Variants in VMP1 observed in about 807,000 individuals in gnomAD.
VMP1 encodes vacuole membrane protein 1.
A neutral mutation model predicts 56.0 loss-of-function variants in VMP1; 11 were observed. That is an observed-to-expected ratio of 0.20 (90% CI 0.12 to 0.32). The LOEUF (loss-of-function observed/expected upper bound fraction) is 0.32. Among genes scored for constraint, VMP1 ranks in the 10% least tolerant of loss-of-function variants. The probability of loss-of-function intolerance (pLI) is 1.00; values close to 1 mark genes in which losing one functional copy is unlikely to be tolerated. For synonymous variants in VMP1, 149 were observed against 165.0 expected (o/e 0.90, Z 0.74); for missense variants, 296 against 490.3 (o/e 0.60, Z 3.74).
intron 7 of VMP1, among the ~76,000 whole-genome samples, chr17:59,808,362 G>A (rs749582254): frequency 6.6e-5 from 10 of 152,188 alleles, no homozygotes; most frequent in Admixed American, 1.3e-4. Flanking sequence ...GATAATGAAT[G>A]CTTACTTATT....
chr17:59,819,916 A>G (rs2144267871), intron 10 of VMP1, among the ~76,000 whole-genome samples: 1 of 152,308 alleles, frequency 6.6e-6, no homozygotes, highest in South Asian at 2.1e-4. Context: ...CATCCTCACC[A>G]TGAGTACCTT....
intron 6 of VMP1, 68 bp from the exon 7 acceptor site, chr17:59,773,686 G>T (rs2036519165): frequency 6.9e-7 from 1 of 1,446,912 alleles, no homozygotes; most frequent in Admixed American, 2.3e-5. Context: ...GAAGAGTATG[G>T]GTTTGATCTA....
At chr17:59,756,054 A>G (rs2035830351) in intron 5 of VMP1, among the ~76,000 whole-genome samples, 2 of 152,164 alleles carry the variant, frequency 1.3e-5, no homozygotes, top group African/African-American at 4.8e-5. Context: ...CATTTTGTAG[A>G]GACCAGAGGC....
chr17:59,816,959 GAAA>G (rs931453513), intron 9 of VMP1, among the ~76,000 whole-genome samples: 1 of 104,470 alleles, frequency 9.6e-6, no homozygotes, highest in Non-Finnish European at 2.0e-5. Context: ...AAAAAAAAAA[GAAA>G]AAAGAAAGAA....
intron 10 of VMP1, among the ~76,000 whole-genome samples, chr17:59,821,090 C>G (rs1024064461): frequency 5.1e-4 from 78 of 151,654 alleles, no homozygotes; most frequent in African/African-American, 1.6e-3. Context: ...CCTGCCTCAG[C>G]CCCCCGAGTA....
intron 10 of VMP1, among the ~76,000 whole-genome samples, chr17:59,821,089 G>GC (rs1248390764): frequency 6.6e-6 from 1 of 150,976 alleles, no homozygotes; most frequent in African/African-American, 2.4e-5. Flanking sequence ...TCCTGCCTCA[G>GC]CCCCCCGAGT....
intron 6 of VMP1, among the ~76,000 whole-genome samples, chr17:59,773,304 T>TGGG (rs141796822): frequency 1.4e-5 from 2 of 147,258 alleles, no homozygotes; most frequent in African/African-American, 5.0e-5. Flanking sequence ...TCAGAAGCGG[T>TGGG]GGGGGGGGGC....
At chr17:59,835,139 T>G (rs535192016) in intron 10 of VMP1, among the ~76,000 whole-genome samples, 2 of 152,150 alleles carry the variant, frequency 1.3e-5, no homozygotes, top group African/African-American at 4.8e-5. Flanking sequence ...TTGTTTGTTT[T>G]TTTTTTTGAG....
intron 7 of VMP1, among the ~76,000 whole-genome samples, chr17:59,802,810 G>A (rs904279576): frequency 1.3e-5 from 2 of 152,186 alleles, no homozygotes; most frequent in African/African-American, 2.4e-5. Flanking sequence ...GCAATGGCAC[G>A]ATCTCGGCTC....
In VMP1 at chr17:59,808,816, A is replaced by T; in HGVS notation, c.735A>T (p.Lys245Asn). 4.3e-6 allele frequency: 7 copies of T among 1,614,036 alleles called. No homozygotes were observed. Among genetic ancestry groups the T allele is most frequent in the Non-Finnish European group, 5.9e-6 (7 of 1,179,976 alleles). ...ESAQDFASRA[K>N]LAVQKLVQKV... ...TACAGGACTTTGCCTCCCGGGCCAA[A>T]CTGGCAGTTCAAAAACTAGTACAGA... Residue 245 changes from lysine to asparagine, a missense_variant, in exon 8 of 12, where the codon AAA (lysine) becomes AAT (asparagine). By Grantham distance (94) the Lys-to-Asn change is moderately conservative. Around this residue, in one of 4 missense-constraint regions of VMP1, gnomAD observed 126 missense variants for 231.6 expected, o/e 0.54. Coordinates refer to ENST00000262291, the MANE Select transcript of VMP1 (RefSeq NM_030938.5).
chr17:59,784,134 T>TGAGA (rs1163780957), intron 7 of VMP1, among the ~76,000 whole-genome samples: 3 of 140,598 alleles, frequency 2.1e-5, no homozygotes, highest in Admixed American at 7.0e-5. Flanking sequence ...TGTGTGTGTG[T>TGAGA]GTGTGTGTGA....
chr17:59,714,684 GA>G (rs1447414241), intron 1 of VMP1, among the ~76,000 whole-genome samples: 2 of 152,084 alleles, frequency 1.3e-5, no homozygotes, highest in Non-Finnish European at 2.9e-5. Context: ...AGAGGGCTTT[GA>G]GCCAGGATCT....
chr17:59,768,035 G>A (rs1362449068), intron 6 of VMP1, among the ~76,000 whole-genome samples: 1 of 151,740 alleles, frequency 6.6e-6, no homozygotes, highest in Non-Finnish European at 1.5e-5. Flanking sequence ...ACTTCAACCC[G>A]GGAGGCAGAG....
chr17:59,788,676 G>A (rs1270781768), intron 7 of VMP1, among the ~76,000 whole-genome samples: 3 of 151,274 alleles, frequency 2.0e-5, no homozygotes, highest in Non-Finnish European at 2.9e-5. Context: ...GTGTGCTGGC[G>A]GGTGCTTCTA....
At chr17:59,813,240 C>T (rs1323962000) in intron 9 of VMP1, among the ~76,000 whole-genome samples, 1 of 152,028 alleles carries the variant, frequency 6.6e-6, no homozygotes, top group Non-Finnish European at 1.5e-5. Flanking sequence ...GTTCAATCAA[C>T]GAACACAGGT....
chr17:59,808,540 T>A (rs2645486), intron 7 of VMP1, among the ~76,000 whole-genome samples: 38,279 of 152,078 alleles, frequency 0.25, 5,197 homozygotes, highest in East Asian at 0.44. Flanking sequence ...CCCTAGAATA[T>A]CCAGAGAGAA....
At chr17:59,766,183 C>T (rs2036225507) in intron 6 of VMP1, among the ~76,000 whole-genome samples, 1 of 152,050 alleles carries the variant, frequency 6.6e-6, no homozygotes, top group African/African-American at 2.4e-5. Context: ...TCAAGTGATC[C>T]TCCCGTATGT....
chr17:59,791,757 C>A (rs1253025072), intron 7 of VMP1, among the ~76,000 whole-genome samples: 1 of 152,132 alleles, frequency 6.6e-6, no homozygotes, highest in African/African-American at 2.4e-5. Context: ...AGCCACCATG[C>A]CTGGCCCCAT....
intron 9 of VMP1, among the ~76,000 whole-genome samples, chr17:59,815,616 G>A (rs919157182): frequency 5.3e-5 from 8 of 152,272 alleles, no homozygotes; most frequent in Middle Eastern, 6.8e-3. Context: ...CACTTTGGGA[G>A]GCCGAGGCAG....
Sources: gnomAD v4.1 joint callset for allele counts (sites outside exome capture counted in the v4.1 genomes callset) on GRCh38, gnomAD v4.1.1 for gene constraint, gnomAD v4.1.1 regional missense constraint, MANE v1.5 for transcripts, NCBI Gene and HGNC (gene_info 2026-07-23, HGNC 2026-07-21) for gene names.